The following PTGR1 variants were observed in gnomAD, a reference collection of about 807,000 sequenced individuals.
The protein encoded by PTGR1 is 15-oxoprostaglandin 13-reductase.
A neutral mutation model predicts 37.7 loss-of-function variants in PTGR1; 23 were observed. The observed-to-expected ratio is 0.61, with a 90% CI of 0.44 to 0.86. The LOEUF is 0.86. PTGR1 is among the 40% of genes least tolerant of loss of function. The probability of loss-of-function intolerance (pLI) is 0.00; values close to 1 mark genes in which losing one functional copy is unlikely to be tolerated. For missense variants in PTGR1, 351 were observed against 394.3 expected (o/e 0.89, Z 0.93); for synonymous variants, 134 against 140.0 (o/e 0.96, Z 0.30).
intron 4 of PTGR1, chr9:111,592,702 G>C: frequency 1.9e-6 from 1 of 514,524 alleles, no homozygotes; most frequent in Admixed American, 3.9e-5. Context: ...GTAATTAAAA[G>C]TAAGGATGGC....
intron 6 of PTGR1, among the ~76,000 whole-genome samples, chr9:111,579,164 A>C (rs12341784): frequency 0.069 from 10,415 of 151,542 alleles, 528 homozygotes; most frequent in East Asian, 0.15. Flanking sequence ...GCTTCTGACC[A>C]CCCAGCAGGT....
chr9:111,595,631 C>CTTTATTTA (rs1197158134), intron 2 of PTGR1, among the ~76,000 whole-genome samples: 1 of 152,056 alleles, frequency 6.6e-6, no homozygotes, highest in South Asian at 2.1e-4. Flanking sequence ...AGAGACTCAT[C>CTTTATTTA]TTTATTTATT....
At chr9:111,594,071 G>T (rs776558112) in intron 3 of PTGR1, 151 bp downstream of exon 3, 1 of 794,050 alleles carries the variant, frequency 1.3e-6, no homozygotes, top group Non-Finnish European at 2.1e-6. Flanking sequence ...TGCAAAAGAC[G>T]AGCGTGCATG....
chr9:111,573,181 A>T (rs1828903847), intron 8 of PTGR1, among the ~76,000 whole-genome samples: 1 of 152,192 alleles, frequency 6.6e-6, no homozygotes, highest in African/African-American at 2.4e-5. Flanking sequence ...GCTATTCCTA[A>T]TCGGACTGTG....
intron 9 of PTGR1, among the ~76,000 whole-genome samples, chr9:111,553,666 C>T (rs2132288905): frequency 6.6e-6 from 1 of 152,294 alleles, no homozygotes; most frequent in East Asian, 1.9e-4. Flanking sequence ...CAACAGTGTC[C>T]TATGCAATGC....
At chr9:111,595,289 T>G (rs556612056) in intron 2 of PTGR1, among the ~76,000 whole-genome samples, 1 of 152,324 alleles carries the variant, frequency 6.6e-6, no homozygotes, top group African/African-American at 2.4e-5. Context: ...ATAATAATGG[T>G]AATGCTATTT....
intron 5 of PTGR1, 82 bp downstream of exon 5, chr9:111,585,916 G>A: frequency 6.6e-7 from 1 of 1,516,112 alleles, no homozygotes. Context: ...ATATCTTCCT[G>A]TTGACCAAGT....
At chr9:111,556,631 A>G (rs7027778) in intron 9 of PTGR1, among the ~76,000 whole-genome samples, 48,583 of 152,118 alleles carry the variant, frequency 0.32, 8,805 homozygotes, top group Non-Finnish European at 0.42. Context: ...TTTGTATCCA[A>G]TGCTGCGGGA....
rs1489641669 is a variant in PTGR1, at chr9:111,597,688, GGAAACTGAGGTTTAAA to G, written c.-10-272_-10-257del. Among the ~76,000 whole-genome samples the G allele has an allele frequency of 3.3e-5, 5 of 152,248 alleles. No individual in the cohort carries two copies. The East Asian group carries it at 5.8e-4, about 18-fold the overall frequency. On this transcript the variant is annotated intron_variant, in intron 1 of 9. Coordinates refer to ENST00000407693, the MANE Select transcript of PTGR1 (RefSeq NM_001146108.2). ...AGTATCATTGCCAGTGTACGGATGAGGAAACTGAGGTTTAAAGAAATCTTCAAGACAAGGAAAAAAT... is the reference window on the plus strand; with the variant it reads ...AGTATCATTGCCAGTGTACGGATGAGGAAATCTTCAAGACAAGGAAAAAAT...
intron 9 of PTGR1, among the ~76,000 whole-genome samples, chr9:111,550,466 T>TG (rs779496607): frequency 1.3e-5 from 2 of 151,902 alleles, no homozygotes; most frequent in Non-Finnish European, 2.9e-5. Flanking sequence ...TGCCATGGAG[T>TG]GGGTGGGGAT....
chr9:111,564,253 A>G, intron 9 of PTGR1: 4 of 980,376 alleles, frequency 4.1e-6, no homozygotes, highest in African/African-American at 1.8e-5. Flanking sequence ...TCAATTACAA[A>G]GTAGGGAAGC....
chr9:111,550,933 T>G (rs1441107229), intron 9 of PTGR1, among the ~76,000 whole-genome samples: 2 of 152,204 alleles, frequency 1.3e-5, no homozygotes, highest in African/African-American at 4.8e-5. Flanking sequence ...TTTCTGTCTC[T>G]CACACTGGAG....
Position 111,570,014 on chromosome 9 carries a change from G to A in PTGR1, c.879+77C>T. The A allele has an allele frequency of 1.3e-6, 2 of 1,593,080 alleles. 1 individual carries two copies. Among genetic ancestry groups the A allele is most frequent in the Non-Finnish European group, 1.7e-6 (2 of 1,168,734 alleles). On this transcript the variant is annotated intron_variant, in intron 9 of 9. Coordinates refer to ENST00000407693, the MANE Select transcript of PTGR1 (RefSeq NM_001146108.2). ...ATGCGGCAGAGATGGGGAAGAATTG[G>A]TAGAACAAAAGCCTTGAGAGGCAAA...
intron 9 of PTGR1, among the ~76,000 whole-genome samples, chr9:111,567,278 C>T (rs183323302): frequency 1.1e-4 from 16 of 152,270 alleles, no homozygotes; most frequent in Non-Finnish European, 1.9e-4. Flanking sequence ...ACCTCCGCCT[C>T]CCAGGTTCAA....
At chr9:111,564,527 A>G (rs1426844597) in intron 9 of PTGR1, among the ~76,000 whole-genome samples, 1 of 151,600 alleles carries the variant, frequency 6.6e-6, no homozygotes, top group Non-Finnish European at 1.5e-5. Flanking sequence ...GTTGGTCTCA[A>G]AGGCCTAGGC....
chr9:111,598,427 C>A, intron 1 of PTGR1, among the ~76,000 whole-genome samples: 1 of 152,210 alleles, frequency 6.6e-6, no homozygotes, highest in Non-Finnish European at 1.5e-5. Flanking sequence ...GGAGCACTCC[C>A]GCATTGCGAG....
intron 6 of PTGR1, 76 bp from the exon 7 acceptor site, chr9:111,579,027 T>C (rs1829185776): frequency 7.2e-7 from 1 of 1,397,472 alleles, no homozygotes; most frequent in South Asian, 1.5e-5. Flanking sequence ...CCTGGTCTCG[T>C]ATGCCTAGGT....
intron 4 of PTGR1, among the ~76,000 whole-genome samples, chr9:111,590,685 T>G (rs1235496421): frequency 1.3e-5 from 2 of 152,206 alleles, no homozygotes; most frequent in African/African-American, 4.8e-5. Context: ...GAAGAACAAT[T>G]TGTCATCACC....
chr9:111,593,191 C>G (rs1829676051), intron 3 of PTGR1, among the ~76,000 whole-genome samples: 1 of 152,038 alleles, frequency 6.6e-6, no homozygotes, highest in Non-Finnish European at 1.5e-5. Context: ...AAGTTCTGCT[C>G]TGTGACCTCA....
Sources: gnomAD v4.1 joint callset for allele counts (sites outside exome capture counted in the v4.1 genomes callset) on GRCh38, gnomAD v4.1.1 for gene constraint, MANE v1.5 for transcripts, NCBI Gene and HGNC (gene_info 2026-07-23, HGNC 2026-07-21) for gene names.